Variants in GNB2 observed in about 807,000 individuals in gnomAD.
GNB2 encodes the protein guanine nucleotide-binding protein G(I)/G(S)/G(T) subunit beta-2.
A neutral mutation model predicts 40.7 loss-of-function variants in GNB2; 7 were observed. The observed-to-expected ratio is 0.17, with a 90% confidence interval of 0.10 to 0.32. GNB2 has a LOEUF of 0.32. GNB2 is among the 10% of genes least tolerant of loss of function. The probability of loss-of-function intolerance (pLI) is 1.00; values close to 1 mark genes in which losing one functional copy is unlikely to be tolerated. For missense variants in GNB2, 286 were observed against 473.0 expected (o/e 0.60, Z 3.67); for synonymous variants, 254 against 191.2 (o/e 1.33, Z -2.71).
chr7:100,678,063 CTCT>C, intron 7 of GNB2, 32 bp from the exon 8 acceptor site: 2 of 1,536,290 alleles, frequency 1.3e-6, no homozygotes. Context: ...TTCGCCCTGT[CTCT>C]TATCTTTTCT....
chr7:100,678,246 T>A lies in GNB2; in HGVS notation c.646T>A (p.Ser216Thr). 6.2e-7 allele frequency: 1 copy of A among 1,613,966 alleles called. No individual in the cohort carries two copies. ...ASIKLWDVRD[S>T]MCRQTFIGHE... The stretch of plus-strand genomic sequence containing the variant: ...TATCAAGCTGTGGGACGTGCGGGAT[T>A]CCATGTGCCGACAGACCTTCATCGG... The change falls in exon 8 of 10, where the codon TCC (serine) becomes ACC (threonine). Residue 216 changes from serine (S) to threonine (T), a missense_variant. Physicochemically the swap from Ser to Thr is moderately conservative, Grantham distance 58 (BLOSUM62 1). Coordinates refer to ENST00000303210, the MANE Select transcript of GNB2 (RefSeq NM_005273.4).
intron 4 of GNB2, 60 bp from the exon 5 acceptor site, chr7:100,677,292 A>T (rs1341526696): frequency 4.4e-6 from 6 of 1,348,692 alleles, no homozygotes; most frequent in African/African-American, 1.4e-5. Context: ...ACCCAAAGGG[A>T]AGGGGGTGTG....
In GNB2 at chr7:100,678,275, T is replaced by C. The variant is rs374877478; in HGVS notation, c.675T>C (p.His225=). 146 of 1,613,674 alleles carry C rather than the reference T, an allele frequency of 9.0e-5. No individual in the cohort carries two copies. The highest frequency in any genetic ancestry group is 1.2e-4 in the Non-Finnish European group (137 of 1,179,920). The change falls in exon 8 of 10, where the codon CAT becomes CAC. Residue 225 remains histidine, a synonymous_variant. Coordinates refer to ENST00000303210, the MANE Select transcript of GNB2 (RefSeq NM_005273.4). ...TGTGCCGACAGACCTTCATCGGCCA[T>C]GAATCCGACATCAATGCAGTGGCTG... ...DSMCRQTFIG[H]ESDINAVAFF...
rs1260645471 is a variant in GNB2 at position 100,674,461 on chromosome 7, C to G, written c.-90+538C>G. Among the ~76,000 whole-genome samples, 3 of 152,106 alleles carry G rather than the reference C, an allele frequency of 2.0e-5. No homozygotes were observed. The East Asian group carries it at 5.8e-4, about 29-fold the overall frequency. On this transcript the variant is annotated intron_variant, in intron 1 of 9. Coordinates refer to ENST00000303210, the MANE Select transcript of GNB2 (RefSeq NM_005273.4). ...CTCGCCGAAACTGGAGCCCTCGGCG[C>G]CCTATTCCCTTTACAGATCCTCACC... is the stretch of plus-strand genomic sequence containing the variant.
chr7:100,678,641 G>C, intron 9 of GNB2, 27 bp downstream of exon 9: 1 of 1,607,710 alleles, frequency 6.2e-7, no homozygotes, highest in Non-Finnish European at 8.5e-7. Flanking sequence ...AGGCTGGGTG[G>C]GCAGGGACCT....
Position 100,679,107 on chromosome 7 carries a change from GTTTTA to G in GNB2, c.*312_*316del, listed in dbSNP as rs774276537. The G allele has an allele frequency of 7.1e-4, 247 of 349,434 alleles. No homozygotes were observed. Among genetic ancestry groups the G allele is most frequent in the African/African-American group, 1.1e-3 (50 of 47,592 alleles). 21.6% of individuals were successfully genotyped at this position (349,434 alleles called of 1,614,324 possible). A position where few individuals can be genotyped will look rare whatever the true frequency, so the allele number is the denominator to read the frequency against. ...CCAGGGGCTGGCTTTTTTAAAACTG[GTTTTA>G]TTTTAATTTTTATTATATTTTCAGT... On this transcript the variant is annotated 3_prime_UTR_variant, in exon 10 of 10. Coordinates refer to ENST00000303210, the MANE Select transcript of GNB2 (RefSeq NM_005273.4).
Position 100,678,697 on chromosome 7 carries a change from G to A in GNB2, c.919G>A (p.Val307Ile). The A allele has an allele frequency of 6.2e-7, 1 of 1,613,148 alleles. No individual in the cohort carries two copies. Reference protein sequence around the residue: ...WDAMKGDRAGVLAGHDNRVSC... With the variant: ...WDAMKGDRAGILAGHDNRVSC... ...TCTGACTTCTCTCTTCTTCACAGGA[G>A]TCCTCGCTGGCCACGACAACCGCGT... The change falls in exon 10 of 10, where the codon GTC (valine) becomes ATC (isoleucine). Residue 307 changes from valine (V) to isoleucine (I), a missense_variant and splice_region_variant. Coordinates refer to ENST00000303210, the MANE Select transcript of GNB2 (RefSeq NM_005273.4).
At position 100,677,116 on chromosome 7, in the gene GNB2, A is replaced by C. The variant is rs1804366916; in HGVS notation, c.204-236A>C. On this transcript the variant is annotated intron_variant, in intron 4 of 9. Coordinates refer to ENST00000303210, the MANE Select transcript of GNB2 (RefSeq NM_005273.4). ...TAGTGAGACCCTGGCTCTACTAAAA[A>C]TTGAAAAATGAGCTGGGTGTGGTGG... 3 of 595,290 alleles carry C rather than the reference A, an allele frequency of 5.0e-6. No homozygotes were observed. The East Asian group carries it at 8.3e-5, about 16-fold the overall frequency. The allele number at this position is 595,290 out of a possible 1,614,324, so 36.9% of individuals were successfully genotyped here. A position where few individuals can be genotyped will look rare whatever the true frequency, so the allele number is the denominator to read the frequency against.
rs1425918741 is a variant in GNB2 at position 100,678,870 on chromosome 7, C to T, written c.*69C>T. 7.8e-5 allele frequency: 94 copies of T among 1,212,434 alleles called. No homozygotes were observed. Among genetic ancestry groups the T allele is most frequent in the East Asian group, 5.5e-4 (23 of 42,066 alleles). 75.1% of individuals were successfully genotyped at this position (1,212,434 alleles called of 1,614,324 possible). A position where few individuals can be genotyped will look rare whatever the true frequency, so the allele number is the denominator to read the frequency against. ...ATGCCCACACTACAGGCCAGGGCTGCGGGGCTGGCGCAATCCCAGCCCCCT... is the reference window on the plus strand; with the variant it reads ...ATGCCCACACTACAGGCCAGGGCTGTGGGGCTGGCGCAATCCCAGCCCCCT... On this transcript the variant is annotated 3_prime_UTR_variant, in exon 10 of 10. Transcript: ENST00000303210.
intron 1 of GNB2, 40 bp from the exon 2 acceptor site, chr7:100,676,137 C>A (rs562835466): frequency 3.5e-6 from 2 of 574,020 alleles, no homozygotes; most frequent in Non-Finnish European, 6.1e-6. Context: ...CCCCACTTCC[C>A]CGGCGGCCTC....
intron 4 of GNB2, chr7:100,677,014 C>T (rs751509302): frequency 3.0e-5 from 18 of 595,122 alleles, no homozygotes; most frequent in Middle Eastern, 4.4e-4. Context: ...AGGTGGCTCA[C>T]GCCTGTAATC....
chr7:100,677,807 G>A lies in GNB2; in HGVS notation c.486G>A (p.Gly162=). The part of the protein sequence containing the change: ...LDDNQIITSS[G]DTTCALWDIE... ...ACAACCAAATCATCACCAGCTCTGG[G>A]GATACCACCTGGTGAGGCTCTGCCA... Residue 162 remains glycine, a synonymous_variant, in exon 7 of 10, where the codon GGG becomes GGA. Transcript: ENST00000303210. 1 of 1,613,232 alleles carries A rather than the reference G, an allele frequency of 6.2e-7. No individual in the cohort carries two copies. The highest frequency in any genetic ancestry group is 8.5e-7 in the Non-Finnish European group (1 of 1,179,596).
rs566505927 is a variant in GNB2, at chr7:100,676,650, T to C, written c.97-43T>C. On this transcript the variant is annotated intron_variant, in intron 3 of 9. Coordinates refer to ENST00000303210, the MANE Select transcript of GNB2 (RefSeq NM_005273.4). The stretch of plus-strand genomic sequence containing the variant: ...CAGAGGCCGCTGCCCTCTGCAGTCC[T>C]GCTGCCTGGGCCTCCCCGAGCGCAT... 1.9e-5 allele frequency: 30 copies of C among 1,554,602 alleles called. No individual in the cohort carries two copies. The South Asian group carries it at 3.1e-4, about 16-fold the overall frequency.
intron 2 of GNB2, 62 bp from the exon 3 acceptor site, chr7:100,676,473 C>T: frequency 6.9e-7 from 1 of 1,439,328 alleles, no homozygotes; most frequent in Non-Finnish European, 9.8e-7. Context: ...CTGTTCTCTT[C>T]TCTCCCTTTC....
At chr7:100,677,970 C>T in intron 7 of GNB2, 128 bp from the exon 8 acceptor site, 2 of 1,022,798 alleles carry the variant, frequency 2.0e-6, no homozygotes, top group South Asian at 1.4e-5. Context: ...CCCTCCCCAC[C>T]TAAGGCTCTG....
In GNB2 at chr7:100,678,206, C is replaced by A. The variant is rs200210649; in HGVS notation, c.606C>A (p.Gly202=). Residue 202 remains glycine, a synonymous_variant, in exon 8 of 10, where the codon GGC becomes GGA. Transcript: ENST00000303210. ...CCGATGGCCGCACGTTTGTGTCAGG[C>A]GCCTGTGATGCCTCTATCAAGCTGT... is the stretch of plus-strand genomic sequence containing the variant. The part of the protein sequence containing the change: ...LAPDGRTFVS[G]ACDASIKLWD... 3 of 1,613,728 alleles carry A rather than the reference C, an allele frequency of 1.9e-6. No homozygotes were observed. Among genetic ancestry groups the A allele is most frequent in the Non-Finnish European group, 2.5e-6 (3 of 1,179,742 alleles).
intron 1 of GNB2, among the ~76,000 whole-genome samples, chr7:100,674,815 C>T (rs1355261378): frequency 6.6e-6 from 1 of 152,234 alleles, no homozygotes; most frequent in Non-Finnish European, 1.5e-5. Flanking sequence ...TTCCTTCTGC[C>T]CTGGGCCTCC....
Position 100,678,721 on chromosome 7 carries a change from G to A in GNB2, c.943G>A (p.Val315Met), listed in dbSNP as rs771267882. The A allele has an allele frequency of 3.1e-6, 5 of 1,613,712 alleles. No homozygotes were observed. The highest frequency in any genetic ancestry group is 1.7e-5 in the Admixed American group (1 of 60,032). Residue 315 changes from valine (V) to methionine (M), a missense_variant, in exon 10 of 10, where the codon GTG becomes ATG. Physicochemically the swap from Val to Met is conservative, Grantham distance 21. Transcript: ENST00000303210. Reference sequence around the variant, plus strand: ...AGTCCTCGCTGGCCACGACAACCGCGTGAGCTGCCTCGGGGTCACCGACGA... The same window carrying A: ...AGTCCTCGCTGGCCACGACAACCGCATGAGCTGCCTCGGGGTCACCGACGA... ...AGVLAGHDNR[V>M]SCLGVTDDGM...
intron 1 of GNB2, chr7:100,675,222 C>T (rs1804323568): frequency 6.6e-6 from 1 of 151,350 alleles, no homozygotes; most frequent in Non-Finnish European, 1.5e-5. Flanking sequence ...GGCCGCCCGC[C>T]CGCGCCTGGG....
Sources: gnomAD v4.1 joint callset for allele counts (sites outside exome capture counted in the v4.1 genomes callset) on GRCh38, gnomAD v4.1.1 for gene constraint, MANE v1.5 for transcripts, NCBI Gene and HGNC (gene_info 2026-07-23, HGNC 2026-07-21) for gene names.